ZNF251: variants seen among roughly 807,000 people sequenced by gnomAD.
ZNF251 encodes the protein zinc finger protein 251.
ZNF251 carries 14 observed loss-of-function variants against 13.5 expected under a neutral mutation model. The ratio of observed to expected loss-of-function variants is 1.04; its 90% CI spans 0.69 to 1.63. The LOEUF (loss-of-function observed/expected upper bound fraction) is 1.63. ZNF251 is among the 40% of genes most tolerant of loss of function. ZNF251 has a pLI of 0.00. For missense variants in ZNF251, 764 were observed against 834.9 expected (o/e 0.92, Z 1.05); for synonymous variants, 287 against 295.2 (o/e 0.97, Z 0.28).
chr8:144,742,201 T>C (rs1230885573), intron 4 of ZNF251, among the ~76,000 whole-genome samples: 1 of 150,936 alleles, frequency 6.6e-6, no homozygotes, highest in African/African-American at 2.4e-5. Context: ...TTTAAAGTGC[T>C]GAATGGGAAA....
intron 4 of ZNF251, among the ~76,000 whole-genome samples, chr8:144,737,536 A>G (rs893126840): frequency 2.0e-5 from 3 of 151,104 alleles, no homozygotes; most frequent in African/African-American, 7.3e-5. Context: ...CAAACAAAAA[A>G]CCAGCTACGA....
At chr8:144,730,790 A>C (rs1823670917) in intron 4 of ZNF251, among the ~76,000 whole-genome samples, 1 of 152,216 alleles carries the variant, frequency 6.6e-6, no homozygotes, top group Non-Finnish European at 1.5e-5. Context: ...GACACCCCCG[A>C]AACACACTCG....
rs985995219 is a variant in ZNF251 at position 144,733,015 on chromosome 8, A to G, written c.278-9633T>C. ...GGCGGGTGGATCATCTGAGGTCAGG[A>G]GTTCGAGAGCAGCCTGGCCAACATG... On this transcript the variant is annotated intron_variant, in intron 4 of 4. Transcript: ENST00000292562. Among the ~76,000 whole-genome samples the G allele has an allele frequency of 7.2e-5, 11 of 151,914 alleles. No individual in the cohort carries two copies. The East Asian group carries it at 1.4e-3, about 19-fold the overall frequency.
chr8:144,728,634 G>C (rs1823591338), intron 4 of ZNF251, among the ~76,000 whole-genome samples: 1 of 146,492 alleles, frequency 6.8e-6, no homozygotes, highest in South Asian at 2.2e-4. Context: ...CTGCACTCCA[G>C]TCTGGGCGAC....
chr8:144,745,848 C>T (rs1824402065), intron 4 of ZNF251, among the ~76,000 whole-genome samples: 1 of 152,062 alleles, frequency 6.6e-6, no homozygotes, highest in South Asian at 2.1e-4. Context: ...ACACTTAGCC[C>T]CTGAGACTGT....
chr8:144,741,731 AGACT>A (rs1419359042), intron 4 of ZNF251, among the ~76,000 whole-genome samples: 2 of 152,254 alleles, frequency 1.3e-5, no homozygotes, highest in African/African-American at 2.4e-5. Flanking sequence ...ATTACTTGAC[AGACT>A]AACAGCTGAA....
chr8:144,736,063 C>T (rs115107683), intron 4 of ZNF251, among the ~76,000 whole-genome samples: 7 of 152,202 alleles, frequency 4.6e-5, no homozygotes, highest in African/African-American at 7.2e-5. Flanking sequence ...TGGGCCCCCA[C>T]GCTGGGCGGC....
intron 4 of ZNF251, among the ~76,000 whole-genome samples, chr8:144,725,295 G>A (rs1318345593): frequency 6.6e-6 from 1 of 152,174 alleles, no homozygotes; most frequent in Admixed American, 6.6e-5. Context: ...GATTACGGGC[G>A]TGAGCCATCG....
At chr8:144,745,421 A>T (rs1456275138) in intron 4 of ZNF251, among the ~76,000 whole-genome samples, 2 of 152,110 alleles carry the variant, frequency 1.3e-5, no homozygotes, top group Non-Finnish European at 2.9e-5. Context: ...AAAGTACTGA[A>T]ATTGGGTACT....
chr8:144,724,704 C>T (rs1349770521), intron 4 of ZNF251, among the ~76,000 whole-genome samples: 1 of 151,994 alleles, frequency 6.6e-6, no homozygotes, highest in Non-Finnish European at 1.5e-5. Flanking sequence ...TGTTTAAACC[C>T]AGTAAAAACT....
At chr8:144,747,642 C>A (rs1312592956) in intron 4 of ZNF251, among the ~76,000 whole-genome samples, 1 of 146,764 alleles carries the variant, frequency 6.8e-6, no homozygotes, top group African/African-American at 2.5e-5. Flanking sequence ...GACGGAGTCT[C>A]GCTCTGTTGC....
At chr8:144,754,575 G>C in intron 2 of ZNF251, 121 bp downstream of exon 2, 4 of 1,465,510 alleles carry the variant, frequency 2.7e-6, no homozygotes, top group Non-Finnish European at 3.6e-6. Flanking sequence ...CTTTCCTCAC[G>C]GTTGCTATGA....
chr8:144,725,940 T>C (rs1823504172), intron 4 of ZNF251, among the ~76,000 whole-genome samples: 1 of 152,162 alleles, frequency 6.6e-6, no homozygotes, highest in South Asian at 2.1e-4. Flanking sequence ...CTCACACCTA[T>C]AATCCCAGCA....
chr8:144,729,952 AAC>A (rs1823644694), intron 4 of ZNF251: 4 of 672,292 alleles, frequency 5.9e-6, no homozygotes, highest in Admixed American at 6.3e-5. Flanking sequence ...GTTCAATTGT[AAC>A]AGTTTCTCAA....
At chr8:144,733,177 C>T (rs1823772659) in intron 4 of ZNF251, among the ~76,000 whole-genome samples, 1 of 152,110 alleles carries the variant, frequency 6.6e-6, no homozygotes, top group Middle Eastern at 3.2e-3. Flanking sequence ...CGAGATCATA[C>T]CACTGCACTC....
chr8:144,722,783 A>G lies in ZNF251; in HGVS notation c.877T>C (p.Phe293Leu). Residue 293 changes from phenylalanine (F) to leucine (L), a missense_variant, in exon 5 of 5, where the codon TTT (phenylalanine) becomes CTT (leucine). Phe to Leu is a conservative substitution (Grantham distance 22). Transcript: ENST00000292562. This position sits in a 1 kb window ranked among gnomAD's most constrained non-coding sequence, Gnocchi z 4.8. The part of the protein sequence containing the change: ...HRRIHTGEKP[F>L]GCGECGKAFS... ...GCCTTCCCACACTCACCACAGCCAAAGGGTTTTTCTCCAGTGTGAATTCTC... is the reference window on the plus strand; with the variant it reads ...GCCTTCCCACACTCACCACAGCCAAGGGGTTTTTCTCCAGTGTGAATTCTC... 1 of 1,614,064 alleles carries G rather than the reference A, an allele frequency of 6.2e-7. No homozygotes were observed. The highest frequency in any genetic ancestry group is 8.5e-7 in the Non-Finnish European group (1 of 1,179,918).
chr8:144,750,349 T>C (rs1190832941), intron 4 of ZNF251, among the ~76,000 whole-genome samples: 1 of 152,202 alleles, frequency 6.6e-6, no homozygotes, highest in African/African-American at 2.4e-5. Flanking sequence ...TCAGTCTTGC[T>C]GAGCTTGTGT....
At chr8:144,754,101 C>T in intron 3 of ZNF251, 91 bp downstream of exon 3, 1 of 1,507,558 alleles carries the variant, frequency 6.6e-7, no homozygotes, top group South Asian at 1.3e-5. Context: ...AGGGGCAGGA[C>T]CCTCTTCTTT....
Position 144,722,680 on chromosome 8 carries a change from C to T in ZNF251, c.980G>A (p.Gly327Glu), listed in dbSNP as rs1823406330. Residue 327 changes from glycine (G) to glutamate (E), a missense_variant, in exon 5 of 5, where the codon GGA becomes GAA. Coordinates refer to ENST00000292562, the MANE Select transcript of ZNF251 (RefSeq NM_138367.2). The surrounding 1 kb of genome is among the most constrained non-coding windows in gnomAD (Gnocchi z 4.8). ...CTGGGGGCTCTGGCTAAAGCCTCTT[C>T]CACATTCATTACACTTGTAGGGTTT... is the stretch of plus-strand genomic sequence containing the variant. ...GEKPYKCNECGRGFSQSPQLT... is the reference protein window; with the variant it reads ...GEKPYKCNECERGFSQSPQLT... The T allele has an allele frequency of 6.2e-7, 1 of 1,614,152 alleles. No homozygotes were observed. The highest frequency in any genetic ancestry group is 8.5e-7 in the Non-Finnish European group (1 of 1,179,990).
Sources: gnomAD v4.1 joint callset for allele counts (sites outside exome capture counted in the v4.1 genomes callset) on GRCh38, gnomAD v4.1.1 for gene constraint, Gnocchi (gnomAD v3.1) non-coding constraint, MANE v1.5 for transcripts, NCBI Gene and HGNC (gene_info 2026-07-23, HGNC 2026-07-21) for gene names.